The following SPECC1 variants were observed in gnomAD, a reference collection of about 807,000 sequenced individuals.
SPECC1 encodes sperm antigen with calponin homology and coiled-coil domains 1, also known as cytospin-B.
Under a neutral mutation model 104.1 loss-of-function variants are expected in SPECC1, and 62 were observed. That is an observed-to-expected ratio of 0.60 (90% CI 0.49 to 0.74). The LOEUF (loss-of-function observed/expected upper bound fraction) is 0.74. Among genes scored for constraint, SPECC1 ranks in the 30% least tolerant of loss-of-function variants. The pLI, the probability that SPECC1 is intolerant of heterozygous loss-of-function variation, is 0.00. For missense variants in SPECC1, 1,306 were observed against 1,310.5 expected, an observed-to-expected ratio of 1.00 and a Z score of 0.05; for synonymous variants, 513 against 501.6, an observed-to-expected ratio of 1.02 and a Z score of -0.30.
At chr17:20,279,009 A>AGCT (rs1294061893) in intron 12 of SPECC1, among the ~76,000 whole-genome samples, 1 of 152,160 alleles carries the variant, frequency 6.6e-6, no homozygotes, top group African/African-American at 2.4e-5. Context: ...GTATGCCAGC[A>AGCT]GCTGCTGCTG....
chr17:20,024,143 T>C (rs1408610422), intron 1 of SPECC1, among the ~76,000 whole-genome samples: 1 of 152,222 alleles, frequency 6.6e-6, no homozygotes, highest in East Asian at 1.9e-4. Context: ...TTTAATAAAA[T>C]GGGGTAGCTA....
intron 9 of SPECC1, among the ~76,000 whole-genome samples, chr17:20,249,272 A>C (rs926211887): frequency 1.3e-5 from 2 of 151,916 alleles, no homozygotes; most frequent in East Asian, 1.9e-4. Context: ...ACAAAAATCA[A>C]CTGGGCATGG....
At chr17:20,238,550 G>C in intron 7 of SPECC1, 4 of 1,042,810 alleles carry the variant, frequency 3.8e-6, no homozygotes, top group Non-Finnish European at 4.6e-6. Flanking sequence ...AACTCAGGAA[G>C]ATCTTTTGGG....
At chr17:20,099,041 C>T (rs2047792255) in intron 2 of SPECC1, among the ~76,000 whole-genome samples, 1 of 152,174 alleles carries the variant, frequency 6.6e-6, no homozygotes. Context: ...CACTTCCCCA[C>T]TGTGAAGCTG....
intron 1 of SPECC1, chr17:20,073,603 G>A (rs1441655566): frequency 6.6e-6 from 1 of 152,218 alleles, no homozygotes; most frequent in Non-Finnish European, 1.5e-5. Context: ...CTCCGAGTGT[G>A]GTTTTCCTCC....
intron 3 of SPECC1, among the ~76,000 whole-genome samples, chr17:20,164,504 T>A (rs1274461412): frequency 1.3e-5 from 2 of 152,090 alleles, no homozygotes; most frequent in Non-Finnish European, 2.9e-5. Flanking sequence ...AGGTTTTTTT[T>A]AATAAACAGA....
At chr17:20,257,745 C>A (rs1252442451) in intron 11 of SPECC1, 138 bp downstream of exon 11, 4 of 1,172,792 alleles carry the variant, frequency 3.4e-6, no homozygotes, top group Non-Finnish European at 4.8e-6. Flanking sequence ...CTGTGCCTGC[C>A]CTTGGTGAGT....
chr17:20,135,126 T>C (rs2049852495), intron 3 of SPECC1, among the ~76,000 whole-genome samples: 1 of 152,220 alleles, frequency 6.6e-6, no homozygotes, highest in Non-Finnish European at 1.5e-5. Context: ...TGTTCTCTTT[T>C]CCTGAAAGTT....
Position 20,167,403 on chromosome 17 carries a change from G to A in SPECC1, c.284-36930G>A, listed in dbSNP as rs1347868053. On this transcript the variant is annotated intron_variant, in intron 3 of 14. Transcript: ENST00000395527. ...ACTTAAGAAAATAGCTCCCAGCTGG[G>A]CGCAGTGGCTCACGGCCTGTAATCC... is the stretch of plus-strand genomic sequence containing the variant. Among the ~76,000 whole-genome samples the A allele has an allele frequency of 4.6e-5, 7 of 152,076 alleles. No homozygotes were observed. The South Asian group carries it at 1.0e-3, about 22-fold the overall frequency.
Position 20,204,750 on chromosome 17 carries a change from A to G in SPECC1, c.701A>G (p.Lys234Arg), listed in dbSNP as rs771498633. The G allele has an allele frequency of 2.5e-5, 41 of 1,614,072 alleles. No individual in the cohort carries two copies. The highest frequency in any genetic ancestry group is 2.0e-4 in the South Asian group (18 of 91,090). ...PMIRALEEKNKNFQKELSDLE... is the reference protein window; with the variant it reads ...PMIRALEEKNRNFQKELSDLE... Reference sequence around the variant, plus strand: ...ATAAGAGCTCTTGAGGAGAAGAACAAGAACTTTCAGAAAGAGCTTTCCGAT... The same window carrying G: ...ATAAGAGCTCTTGAGGAGAAGAACAGGAACTTTCAGAAAGAGCTTTCCGAT... The change falls in exon 4 of 15, where the codon AAG becomes AGG. Residue 234 changes from lysine (K) to arginine (R), a missense_variant. Around this residue, in one of 2 missense-constraint regions of SPECC1, gnomAD observed 1,177 missense variants for 1,139.9 expected, o/e 1.03. Coordinates refer to ENST00000395527, the MANE Select transcript of SPECC1 (RefSeq NM_001243439.2).
At chr17:20,025,589 G>A (rs966577061) in intron 1 of SPECC1, among the ~76,000 whole-genome samples, 9 of 152,116 alleles carry the variant, frequency 5.9e-5, no homozygotes, top group African/African-American at 2.4e-5. Flanking sequence ...GGATAATACC[G>A]CATGTTATTT....
intron 7 of SPECC1, among the ~76,000 whole-genome samples, chr17:20,242,418 T>C (rs2039242845): frequency 6.6e-6 from 1 of 152,218 alleles, no homozygotes; most frequent in South Asian, 2.1e-4. Context: ...CTGTGCTCCA[T>C]GGAGACACTG....
At chr17:20,281,791 C>T (rs2040779401) in intron 12 of SPECC1, among the ~76,000 whole-genome samples, 1 of 152,210 alleles carries the variant, frequency 6.6e-6, no homozygotes, top group South Asian at 2.1e-4. Context: ...AGGTAGCCAA[C>T]TTAACAGAAA....
intron 1 of SPECC1, among the ~76,000 whole-genome samples, chr17:20,060,850 A>G (rs1759748988): frequency 6.6e-6 from 1 of 152,260 alleles, no homozygotes; most frequent in Non-Finnish European, 1.5e-5. Context: ...ATTTTAACAG[A>G]TATAAACATA....
At chr17:20,175,124 G>A (rs1279013775) in intron 3 of SPECC1, among the ~76,000 whole-genome samples, 1 of 152,082 alleles carries the variant, frequency 6.6e-6, no homozygotes, top group African/African-American at 2.4e-5. Flanking sequence ...GTGCGCCTCT[G>A]TTTCTGGGGT....
intron 3 of SPECC1, among the ~76,000 whole-genome samples, chr17:20,147,134 A>G (rs1597814978): frequency 1.5e-5 from 2 of 134,006 alleles, no homozygotes; most frequent in South Asian, 2.3e-4. Context: ...CCCAGGCTGG[A>G]GTGCTTGGCT....
At chr17:20,015,949 C>A (rs888166165) in intron 1 of SPECC1, among the ~76,000 whole-genome samples, 1 of 148,826 alleles carries the variant, frequency 6.7e-6, no homozygotes, top group Non-Finnish European at 1.5e-5. Flanking sequence ...CAGTGGCTCA[C>A]GTCTGTAATC....
chr17:20,127,113 A>G (rs759980011), intron 3 of SPECC1, among the ~76,000 whole-genome samples: 11 of 152,122 alleles, frequency 7.2e-5, no homozygotes, highest in Non-Finnish European at 1.5e-4. Context: ...TATGTTTTTA[A>G]TCTTTAGTCT....
chr17:20,137,293 C>A (rs906330185), intron 3 of SPECC1, among the ~76,000 whole-genome samples: 1 of 152,202 alleles, frequency 6.6e-6, no homozygotes, highest in Non-Finnish European at 1.5e-5. Flanking sequence ...CACAATTCTG[C>A]GAATGTCTTA....
Sources: allele counts gnomAD v4.1 joint callset (sites outside exome capture counted in the v4.1 genomes callset), GRCh38; gene constraint gnomAD v4.1.1; regional missense constraint gnomAD v4.1.1; transcripts MANE v1.5; gene names NCBI Gene and HGNC (gene_info 2026-07-23, HGNC 2026-07-21).